The following SETD9 variants were observed in gnomAD, a reference collection of about 807,000 sequenced individuals.
SETD9 encodes SET domain containing 9.
SETD9 carries 37 observed loss-of-function variants against 36.4 expected under a neutral mutation model. The ratio of observed to expected loss-of-function variants is 1.02; its 90% CI spans 0.78 to 1.34. The LOEUF is 1.34. Ranked by LOEUF, SETD9 falls within the 40% of genes most tolerant of loss-of-function variation. The probability of loss-of-function intolerance (pLI) is 0.00; values close to 1 mark genes in which losing one functional copy is unlikely to be tolerated. For synonymous variants in SETD9, 128 were observed against 132.9 expected, an observed-to-expected ratio of 0.96 and a Z score of 0.26; for missense variants, 323 against 353.2, an observed-to-expected ratio of 0.91 and a Z score of 0.69.
intron 1 of SETD9, 179 bp from the exon 2 acceptor site, chr5:56,910,990 G>A (rs1749088954): frequency 1.8e-6 from 1 of 553,410 alleles, no homozygotes; most frequent in Non-Finnish European, 2.9e-6. Flanking sequence ...GGTGGGAAGT[G>A]TTGGGAGTTA....
downstream of SETD9, chr5:56,920,313 A>T (rs1749608698): frequency 6.6e-6 from 1 of 152,572 alleles, no homozygotes; most frequent in African/African-American, 2.4e-5. Flanking sequence ...TATTGCTATA[A>T]TCACAGCACC....
chr5:56,918,673 G>C (rs1371818059), downstream of SETD9, among the ~76,000 whole-genome samples: 1 of 152,154 alleles, frequency 6.6e-6, no homozygotes, highest in Non-Finnish European at 1.5e-5. Context: ...TATGTGCTAA[G>C]GTCCTTTCGT....
rs773824396 is a variant in SETD9 at position 56,914,931 on chromosome 5, TC to T, written c.778del (p.Leu260PhefsTer55). On this transcript the variant is annotated frameshift_variant, in exon 5 of 6. Coordinates refer to ENST00000285947, the MANE Select transcript of SETD9 (RefSeq NM_153706.4). LOFTEE classifies it high-confidence loss of function. ...AVFPIELKQY[L>X]PNIAYSYDKQ... ...TTTTCCCTATAGAACTGAAGCAGTA[TC>T]TTCCAAACATTGCCTACAGCTATGA... 1 of 1,597,664 alleles carries T rather than the reference TC, an allele frequency of 6.3e-7. No individual in the cohort carries two copies. Among genetic ancestry groups the T allele is most frequent in the Admixed American group, 1.7e-5 (1 of 59,700 alleles).
In SETD9 at chr5:56,909,755, G is replaced by A. The variant is rs1368622290; in HGVS notation, c.98+12G>A. On this transcript the variant is annotated intron_variant, in intron 1 of 5. Transcript: ENST00000285947. ...AGCCACAACCCGAGGTGAGAGGGCG[G>A]GACGGCAGAACGAGGGGCACCTGCC... 1.2e-6 allele frequency: 2 copies of A among 1,606,630 alleles called. No individual in the cohort carries two copies. Among genetic ancestry groups the A allele is most frequent in the Non-Finnish European group, 1.7e-6 (2 of 1,176,412 alleles).
At chr5:56,916,067 C>T (rs1749409418) in intron 5 of SETD9, among the ~76,000 whole-genome samples, 1 of 152,098 alleles carries the variant, frequency 6.6e-6, no homozygotes, top group South Asian at 2.1e-4. Context: ...TACTCCGGGG[C>T]ATGATGTTAT....
downstream of SETD9, among the ~76,000 whole-genome samples, chr5:56,926,178 T>C (rs1749971496): frequency 6.6e-6 from 1 of 152,104 alleles, no homozygotes; most frequent in African/African-American, 2.4e-5. Context: ...TAGGTGACCT[T>C]AGGTTTGGCA....
Position 56,916,969 on chromosome 5 carries a change from C to A in SETD9, c.*67C>A. 2.7e-6 allele frequency: 4 copies of A among 1,507,452 alleles called. No individual in the cohort carries two copies. Among genetic ancestry groups the A allele is most frequent in the South Asian group, 2.8e-5 (2 of 71,022 alleles). The allele number at this position is 1,507,452 out of a possible 1,614,324, so 93.4% of individuals were successfully genotyped here. ...AATTCTAAGTGTTTTTTGTTAATCA[C>A]TTCTCTGAGTTCTACCTGTAAAACA... is the stretch of plus-strand genomic sequence containing the variant. On this transcript the variant is annotated 3_prime_UTR_variant, in exon 6 of 6. Coordinates refer to ENST00000285947, the MANE Select transcript of SETD9 (RefSeq NM_153706.4).
intron 2 of SETD9, 142 bp downstream of exon 2, chr5:56,911,678 A>G (rs1474437121): frequency 3.4e-6 from 3 of 884,096 alleles, no homozygotes; most frequent in Non-Finnish European, 4.8e-6. Flanking sequence ...TGCAATTCTA[A>G]TTCGGAAATT....
At chr5:56,928,878 A>C, downstream of SETD9, 3 of 1,597,530 alleles carry the variant, frequency 1.9e-6, no homozygotes, top group Non-Finnish European at 2.6e-6. Context: ...AAAATTTTAA[A>C]ATAAAATTTA....
downstream of SETD9, among the ~76,000 whole-genome samples, chr5:56,926,832 G>A (rs1750008236): frequency 6.6e-6 from 1 of 152,024 alleles, no homozygotes; most frequent in South Asian, 2.1e-4. Flanking sequence ...TCCTCTAACA[G>A]GTAAGTGAAT....
chr5:56,915,096 G>A (rs331499), intron 5 of SETD9, 130 bp downstream of exon 5: 260,663 of 482,480 alleles, frequency 0.54, 77,813 homozygotes, highest in Non-Finnish European at 0.64. Context: ...AGATTTTTAT[G>A]TTCACACCTT....
At chr5:56,926,653 C>A (rs1340279487), downstream of SETD9, among the ~76,000 whole-genome samples, 1 of 150,430 alleles carries the variant, frequency 6.6e-6, no homozygotes, top group African/African-American at 2.5e-5. Flanking sequence ...AAATGGAAGA[C>A]AGTTTGGCAG....
intron 3 of SETD9, 52 bp downstream of exon 3, chr5:56,913,186 C>G: frequency 1.3e-6 from 2 of 1,580,908 alleles, no homozygotes; most frequent in South Asian, 1.1e-5. Context: ...ACCGCACTTA[C>G]CACAATGATT....
In SETD9 at chr5:56,923,433, T is replaced by C; in HGVS notation, c.813-1900T>C. On this transcript the variant is annotated intron_variant, in intron 5 of 5. Coordinates refer to the SETD9 transcript ENST00000628593. ...GTCTCAAATAAATTAAAACAATCAC[T>C]TTCCCCATTGCTGGGCAGGGTGAGT... The C allele has an allele frequency of 2.5e-6, 4 of 1,614,156 alleles. No individual in the cohort carries two copies. Among genetic ancestry groups the C allele is most frequent in the Non-Finnish European group, 3.4e-6 (4 of 1,180,032 alleles).
chr5:56,913,894 G>T lies in SETD9; in HGVS notation c.611G>T (p.Arg204Leu). ...TTCAGATCTTGCAATGGGAGGGATC[G>T]ACTCGGCCCTTTAAAAATGAGTGAT... ...VVYRSCNGRD[R>L]LGPLKMSDST... Residue 204 changes from arginine (R) to leucine (L), a missense_variant, in exon 4 of 6, where the codon CGA becomes CTA. By Grantham distance (102) the Arg-to-Leu change is moderately radical (BLOSUM62 -2). Transcript: ENST00000285947. The T allele has an allele frequency of 6.2e-7, 1 of 1,612,482 alleles. No individual in the cohort carries two copies. The highest frequency in any genetic ancestry group is 8.5e-7 in the Non-Finnish European group (1 of 1,178,836).
downstream of SETD9, among the ~76,000 whole-genome samples, chr5:56,927,631 C>T (rs1750056644): frequency 2.6e-5 from 4 of 152,012 alleles, no homozygotes; most frequent in Admixed American, 2.6e-4. Context: ...GTAGAGAGTT[C>T]CTATATATCC....
intron 5 of SETD9, chr5:56,925,319 G>A: frequency 2.2e-6 from 1 of 454,354 alleles, no homozygotes; most frequent in South Asian, 1.6e-5. Context: ...AAATAAAACT[G>A]TCTCTGTTTA....
intron 3 of SETD9, among the ~76,000 whole-genome samples, chr5:56,913,604 G>A (rs533305694): frequency 3.3e-5 from 5 of 151,620 alleles, no homozygotes; most frequent in Admixed American, 1.3e-4. Context: ...GGCTGGTCTC[G>A]AACTCTAGAC....
chr5:56,909,889 GCC>G, intron 1 of SETD9, 146 bp downstream of exon 1: 1 of 661,306 alleles, frequency 1.5e-6, no homozygotes, highest in South Asian at 3.5e-5. Flanking sequence ...AGGTGGGCGG[GCC>G]GGGTGGGCGG....
Sources: allele counts gnomAD v4.1 joint callset (sites outside exome capture counted in the v4.1 genomes callset), GRCh38; gene constraint gnomAD v4.1.1; transcripts MANE v1.5; gene names NCBI Gene and HGNC (gene_info 2026-07-23, HGNC 2026-07-21).